Variants in TSHZ2 observed in about 807,000 individuals in gnomAD.
TSHZ2 encodes teashirt homolog 2.
In TSHZ2, 21 loss-of-function variants were observed where a neutral mutation model predicts 74.4. The observed-to-expected ratio is 0.28, with a 90% CI of 0.20 to 0.41. The LOEUF is 0.41. Among genes scored for constraint, TSHZ2 ranks in the 10% least tolerant of loss-of-function variants. TSHZ2 has a pLI of 1.00. For synonymous variants in TSHZ2, 540 were observed against 515.3 expected (o/e 1.05, Z -0.65); for missense variants, 1,244 against 1,293.5 (o/e 0.96, Z 0.59).
At chr20:53,251,851 G>A (rs937225198) in intron 1 of TSHZ2, among the ~76,000 whole-genome samples, 1 of 152,096 alleles carries the variant, frequency 6.6e-6, no homozygotes, top group African/African-American at 2.4e-5. Flanking sequence ...TAGCCTTTGG[G>A]TCTCATCAAA....
At chr20:53,170,936 G>GA (rs1203729516) in intron 1 of TSHZ2, among the ~76,000 whole-genome samples, 42 of 141,478 alleles carry the variant, frequency 3.0e-4, no homozygotes, top group Non-Finnish European at 4.9e-4. Flanking sequence ...AATAAAAAAT[G>GA]AAAAGAAAAA....
rs969061310 is a variant in TSHZ2 at position 52,973,364 on chromosome 20, C to A, written c.40+31C>A. The A allele has an allele frequency of 5.2e-6, 8 of 1,549,670 alleles. No individual in the cohort carries two copies. In the African/African-American group the frequency reaches 1.1e-4, roughly 21 times the overall value. On this transcript the variant is annotated intron_variant, in intron 1 of 2. Coordinates refer to ENST00000371497, the MANE Select transcript of TSHZ2 (RefSeq NM_173485.6). Reference sequence around the variant, plus strand: ...AGAAACGGCTCCGCTTCGGGGCTGCCCTGTGCGCCGAGCTCCTCGCCCGCC... The same window carrying A: ...AGAAACGGCTCCGCTTCGGGGCTGCACTGTGCGCCGAGCTCCTCGCCCGCC...
intron 2 of TSHZ2, among the ~76,000 whole-genome samples, chr20:53,311,716 C>G (rs1978795868): frequency 6.6e-6 from 1 of 152,222 alleles, no homozygotes. Flanking sequence ...TTTCCACTCT[C>G]ATGAGCACTG....
At chr20:53,127,319 G>T (rs1033535434) in intron 1 of TSHZ2, among the ~76,000 whole-genome samples, 2 of 152,182 alleles carry the variant, frequency 1.3e-5, no homozygotes, top group Non-Finnish European at 2.9e-5. Context: ...GATAAACAAG[G>T]ATTGAAATAA....
chr20:53,422,794 A>G (rs1983524883), intron 2 of TSHZ2, among the ~76,000 whole-genome samples: 1 of 152,184 alleles, frequency 6.6e-6, no homozygotes, highest in South Asian at 2.1e-4. Flanking sequence ...TACTTATTCT[A>G]ATCACCCCTG....
intron 2 of TSHZ2, among the ~76,000 whole-genome samples, chr20:53,282,227 CA>C (rs1276957832): frequency 6.6e-6 from 1 of 151,926 alleles, no homozygotes; most frequent in Non-Finnish European, 1.5e-5. Flanking sequence ...TTCTTTTGTC[CA>C]AAAAAAGGAT....
chr20:53,031,509 T>C (rs969919637), intron 1 of TSHZ2, among the ~76,000 whole-genome samples: 1 of 152,144 alleles, frequency 6.6e-6, no homozygotes, highest in African/African-American at 2.4e-5. Context: ...ACAGGAATTG[T>C]CTGGGTTTAT....
At chr20:53,271,334 G>A (rs75809170) in intron 2 of TSHZ2, among the ~76,000 whole-genome samples, 13,487 of 152,260 alleles carry the variant, frequency 0.089, 737 homozygotes, top group Admixed American at 0.19. Context: ...GCAGCAGGAA[G>A]GCTGAGCTCA....
Position 53,232,145 on chromosome 20 carries a change from C to T in TSHZ2, c.41-21354C>T, listed in dbSNP as rs1256593639. Among the ~76,000 whole-genome samples the T allele has an allele frequency of 2.0e-5, 3 of 152,152 alleles. No individual in the cohort carries two copies. In the East Asian group the frequency reaches 5.8e-4, roughly 29 times the overall value. ...CCTCAAGCAATCCTCCTGCCTCATC[C>T]TCCCAAAGTGTTGGTATTACAGGCA... On this transcript the variant is annotated intron_variant, in intron 1 of 2. Transcript: ENST00000371497.
intron 1 of TSHZ2, among the ~76,000 whole-genome samples, chr20:53,145,164 C>A (rs374236622): frequency 6.6e-6 from 1 of 152,252 alleles, no homozygotes; most frequent in South Asian, 2.1e-4. Context: ...GTTCAAAGCC[C>A]ATGCCTGTCT....
At chr20:53,114,938 A>T (rs917280819) in intron 1 of TSHZ2, among the ~76,000 whole-genome samples, 1 of 152,180 alleles carries the variant, frequency 6.6e-6, no homozygotes, top group African/African-American at 2.4e-5. Context: ...GAGGCAGGAA[A>T]AAACTTGGGT....
At chr20:53,194,441 CCTTTAT>C (rs1988811101) in intron 1 of TSHZ2, among the ~76,000 whole-genome samples, 1 of 152,208 alleles carries the variant, frequency 6.6e-6, no homozygotes, top group African/African-American at 2.4e-5. Flanking sequence ...TTCTTTCTCT[CCTTTAT>C]CTTTGTCAGT....
intron 1 of TSHZ2, among the ~76,000 whole-genome samples, chr20:53,129,530 A>G (rs1233895732): frequency 6.6e-6 from 1 of 152,220 alleles, no homozygotes; most frequent in Non-Finnish European, 1.5e-5. Flanking sequence ...ATATATCAAT[A>G]AGTGGATGTA....
intron 1 of TSHZ2, among the ~76,000 whole-genome samples, chr20:53,017,950 A>C (rs891715031): frequency 1.6e-4 from 24 of 152,188 alleles, no homozygotes; most frequent in African/African-American, 5.5e-4. Flanking sequence ...GATATTTTAC[A>C]ATAAAATCAT....
chr20:53,238,674 G>T (rs1989994088), intron 1 of TSHZ2, among the ~76,000 whole-genome samples: 1 of 151,856 alleles, frequency 6.6e-6, no homozygotes, highest in African/African-American at 2.4e-5. Flanking sequence ...TATTGTTTTT[G>T]CTGGAAAACA....
chr20:53,481,869 C>T (rs1986156947), intron 2 of TSHZ2, among the ~76,000 whole-genome samples: 1 of 151,936 alleles, frequency 6.6e-6, no homozygotes, highest in Non-Finnish European at 1.5e-5. Context: ...TTCAGGAGGC[C>T]GAGGTGGGTG....
intron 2 of TSHZ2, among the ~76,000 whole-genome samples, chr20:53,462,618 G>GA: frequency 6.6e-6 from 1 of 152,320 alleles, no homozygotes; most frequent in South Asian, 2.1e-4. Flanking sequence ...TGCTTGGGAG[G>GA]ACTGAACATT....
At chr20:53,237,338 A>C (rs1442856512) in intron 1 of TSHZ2, among the ~76,000 whole-genome samples, 1 of 152,224 alleles carries the variant, frequency 6.6e-6, no homozygotes, top group African/African-American at 2.4e-5. Context: ...TCTGAATCAC[A>C]CACAACTGAG....
chr20:52,978,569 A>G (rs1981437213), intron 1 of TSHZ2, among the ~76,000 whole-genome samples: 1 of 152,190 alleles, frequency 6.6e-6, no homozygotes, highest in African/African-American at 2.4e-5. Context: ...TACACGGAGT[A>G]TCATTTTCGT....
Sources: allele counts gnomAD v4.1 joint callset (sites outside exome capture counted in the v4.1 genomes callset), GRCh38; gene constraint gnomAD v4.1.1; transcripts MANE v1.5; gene names NCBI Gene and HGNC (gene_info 2026-07-23, HGNC 2026-07-21).